ZSWIM8: variants seen among roughly 807,000 people sequenced by gnomAD.
ZSWIM8 encodes the protein zinc finger SWIM-type containing 8.
In ZSWIM8, 27 loss-of-function variants were observed where a neutral mutation model predicts 173.7. The ratio of observed to expected loss-of-function variants is 0.16; its 90% CI spans 0.11 to 0.21. The LOEUF (loss-of-function observed/expected upper bound fraction) is 0.21. Among genes scored for constraint, ZSWIM8 ranks in the 10% least tolerant of loss-of-function variants. ZSWIM8 has a pLI of 1.00. For synonymous variants in ZSWIM8, 958 were observed against 962.0 expected, an observed-to-expected ratio of 1.00 and a Z score of 0.08; for missense variants, 1,627 against 2,428.8, an observed-to-expected ratio of 0.67 and a Z score of 6.94.
rs1419843739 is a variant in ZSWIM8 at position 73,797,098 on chromosome 10, G to C, written c.3275-15G>C. The C allele has an allele frequency of 6.2e-7, 1 of 1,613,312 alleles. No individual in the cohort carries two copies. The highest frequency in any genetic ancestry group is 8.5e-7 in the Non-Finnish European group (1 of 1,179,636). On this transcript the variant is annotated splice_polypyrimidine_tract_variant and intron_variant, in intron 16 of 25. Transcript: ENST00000604729. This position sits in a 1 kb window ranked among gnomAD's most constrained non-coding sequence, Gnocchi z 5.6. ...TTTCCTGGGCTCATCCCAGCGTCCT[G>C]TTTTCCTCACCTAGAGAGTTCCCCA...
chr10:73,794,445 T>C (rs1565079130), intron 13 of ZSWIM8, 96 bp from the exon 14 acceptor site: 1 of 1,554,710 alleles, frequency 6.4e-7, no homozygotes, highest in Non-Finnish European at 8.8e-7. Context: ...GGCAGCTTCA[T>C]GGGTAGGTCT....
chr10:73,791,958 C>G lies in ZSWIM8; in HGVS notation c.1419C>G (p.Pro473=). Residue 473 remains proline (P), a synonymous_variant, in exon 10 of 26, where the codon CCC becomes CCG. Coordinates refer to ENST00000604729, the MANE Select transcript of ZSWIM8 (RefSeq NM_001367799.1). This position sits in a 1 kb window ranked among gnomAD's most constrained non-coding sequence, Gnocchi z 6.0. ...QHKKTLERLF[P]GFRPAVEACY... ...AGAAGACGCTGGAGCGGCTCTTCCC[C>G]GGCTTCCGGCCAGCGGTGGAGGCCT... The G allele has an allele frequency of 1.3e-6, 2 of 1,551,248 alleles. No homozygotes were observed. Among genetic ancestry groups the G allele is most frequent in the East Asian group, 4.9e-5 (2 of 40,912 alleles).
rs569098534 is a variant in ZSWIM8, at chr10:73,800,797, C to A, written c.5122+38C>A. 90 of 1,456,888 alleles carry A rather than the reference C, an allele frequency of 6.2e-5. No individual in the cohort carries two copies. Among genetic ancestry groups the A allele is most frequent in the South Asian group, 1.6e-4 (12 of 76,458 alleles). 90.2% of individuals were successfully genotyped at this position (1,456,888 alleles called of 1,614,324 possible). ...CTCCCTAGGACCATTGCCCCCCCCC[C>A]ACCTGCTCTCCCCACCTTCCTTATC... On this transcript the variant is annotated intron_variant, in intron 24 of 25. Transcript: ENST00000604729. This position sits in a 1 kb window ranked among gnomAD's most constrained non-coding sequence, Gnocchi z 4.1.
At chr10:73,794,398 G>C (rs905716841) in intron 13 of ZSWIM8, 68 bp downstream of exon 13, 4 of 1,578,440 alleles carry the variant, frequency 2.5e-6, no homozygotes, top group Non-Finnish European at 3.4e-6. Context: ...GAAAGACCAA[G>C]AGCCCCAAGT....
At chr10:73,795,408 T>TA in intron 14 of ZSWIM8, 131 bp from the exon 15 acceptor site, 1 of 1,391,416 alleles carries the variant, frequency 7.2e-7, no homozygotes, top group Non-Finnish European at 9.8e-7. Context: ...AAGACTTCTA[T>TA]AGGTGATGTG....
intron 11 of ZSWIM8, 60 bp downstream of exon 11, chr10:73,793,779 C>T: frequency 6.5e-7 from 1 of 1,546,562 alleles, no homozygotes; most frequent in Non-Finnish European, 8.7e-7. Flanking sequence ...TGCTCCCATG[C>T]CCCACCCCAA....
In ZSWIM8 at chr10:73,789,051, AG is replaced by A. The variant is rs2083320667; in HGVS notation, c.363-43del. On this transcript the variant is annotated intron_variant, in intron 2 of 25. Coordinates refer to ENST00000604729, the MANE Select transcript of ZSWIM8 (RefSeq NM_001367799.1). The surrounding 1 kb of genome is among the most constrained non-coding windows in gnomAD (Gnocchi z 6.8). ...TGTGGTCTCTGACAGGGTCTGCCAAAGGTTATTTGCTGAGTTGTGGCTGTGT... is the reference window on the plus strand; with the variant it reads ...TGTGGTCTCTGACAGGGTCTGCCAAAGTTATTTGCTGAGTTGTGGCTGTGT... The A allele has an allele frequency of 6.3e-7, 1 of 1,596,484 alleles. No homozygotes were observed. Among genetic ancestry groups the A allele is most frequent in the Admixed American group, 1.7e-5 (1 of 58,992 alleles).
rs371654311 is a variant in ZSWIM8 at position 73,798,995 on chromosome 10, C to T, written c.4177-7C>T. ...CCCCCTTAACACTCTGTGCCCCTCT[C>T]TTCCAGGACAACCTGATGTTGGAGA... On this transcript the variant is annotated splice_region_variant and splice_polypyrimidine_tract_variant and intron_variant, in intron 20 of 25. Transcript: ENST00000604729. 8.0e-5 allele frequency: 128 copies of T among 1,602,166 alleles called. No homozygotes were observed. Among genetic ancestry groups the T allele is most frequent in the Non-Finnish European group, 1.0e-4 (117 of 1,172,646 alleles).
At position 73,792,224 on chromosome 10, in the gene ZSWIM8, G is replaced by T. The variant is rs1487318179; in HGVS notation, c.1685G>T (p.Gly562Val). 1 of 1,554,698 alleles carries T rather than the reference G, an allele frequency of 6.4e-7. No individual in the cohort carries two copies. Among genetic ancestry groups the T allele is most frequent in the East Asian group, 2.3e-5 (1 of 44,372 alleles). ...LGEGVPSSQR[G>V]PRRLSAEGGD... ...GAGGGGGTCCCCTCATCACAGCGGG[G>T]TCCCCGCCGCCTCTCAGCTGAAGGG... Residue 562 changes from glycine (G) to valine (V), a missense_variant, in exon 10 of 26, where the codon GGT becomes GTT. Gly to Val is a moderately radical substitution (Grantham distance 109, BLOSUM62 -3). Around this residue, in one of 18 missense-constraint regions of ZSWIM8, gnomAD observed 383 missense variants for 394.8 expected, o/e 0.97. Coordinates refer to ENST00000604729, the MANE Select transcript of ZSWIM8 (RefSeq NM_001367799.1). This position sits in a 1 kb window ranked among gnomAD's most constrained non-coding sequence, Gnocchi z 4.3.
At position 73,801,244 on chromosome 10, in the gene ZSWIM8, T is replaced by G; in HGVS notation, c.5301+49T>G. The G allele has an allele frequency of 6.2e-7, 1 of 1,603,144 alleles. No homozygotes were observed. The highest frequency in any genetic ancestry group is 2.2e-5 in the East Asian group (1 of 44,572). On this transcript the variant is annotated intron_variant, in intron 25 of 25. Coordinates refer to ENST00000604729, the MANE Select transcript of ZSWIM8 (RefSeq NM_001367799.1). The surrounding 1 kb of genome is among the most constrained non-coding windows in gnomAD (Gnocchi z 4.9). ...AGGGTGGAGCACTTCCTGGGTGGTC[T>G]TGGACCAGAGGGAGGCAGGGCCTGT...
At position 73,797,735 on chromosome 10, in the gene ZSWIM8, T is replaced by C. The variant is rs886486879; in HGVS notation, c.3663-46T>C. 2 of 1,585,584 alleles carry C rather than the reference T, an allele frequency of 1.3e-6. No homozygotes were observed. Among genetic ancestry groups the C allele is most frequent in the Admixed American group, 1.8e-5 (1 of 56,764 alleles). ...CCTTCCCAACCTACCCGGATGCCCA[T>C]TTCAAAGAAACCCCAACCCCCGTCC... is the stretch of plus-strand genomic sequence containing the variant. On this transcript the variant is annotated intron_variant, in intron 18 of 25. Transcript: ENST00000604729. The surrounding 1 kb of genome is among the most constrained non-coding windows in gnomAD (Gnocchi z 5.6).
Position 73,789,271 on chromosome 10 carries a change from C to T in ZSWIM8, c.457+81C>T. 1 of 1,602,830 alleles carries T rather than the reference C, an allele frequency of 6.2e-7. No individual in the cohort carries two copies. Among genetic ancestry groups the T allele is most frequent in the South Asian group, 1.1e-5 (1 of 90,074 alleles). ...TGAAGTAAGAACACACCGCAAGAAG[C>T]TGGAGCATGTTGTCTGAATAACTGC... On this transcript the variant is annotated intron_variant, in intron 3 of 25. Transcript: ENST00000604729. This position sits in a 1 kb window ranked among gnomAD's most constrained non-coding sequence, Gnocchi z 6.8.
Position 73,794,288 on chromosome 10 carries a change from C to T in ZSWIM8, c.2767C>T (p.Leu923Phe). Residue 923 changes from leucine (L) to phenylalanine (F), a missense_variant, in exon 13 of 26, where the codon CTC becomes TTC. By Grantham distance (22) the Leu-to-Phe change is conservative. This residue lies in a region of ZSWIM8 where 169 missense variants were observed against 235.3 expected (regional missense o/e 0.72). Coordinates refer to ENST00000604729, the MANE Select transcript of ZSWIM8 (RefSeq NM_001367799.1). Reference sequence around the variant, plus strand: ...CTGTGACTATCGGCCTGTGTTGCCTCTCATGCTGGCCAGTTTCATCTTTGA... The same window carrying T: ...CTGTGACTATCGGCCTGTGTTGCCTTTCATGCTGGCCAGTTTCATCTTTGA... ...TLCDYRPVLP[L>F]MLASFIFDVL... is the part of the protein sequence containing the mutation. 1 of 1,614,000 alleles carries T rather than the reference C, an allele frequency of 6.2e-7. No homozygotes were observed.
In ZSWIM8 at chr10:73,796,981, C is replaced by T. The variant is rs377260438; in HGVS notation, c.3241C>T (p.Pro1081Ser). The change falls in exon 16 of 26, where the codon CCC becomes TCC. Residue 1081 changes from proline to serine, a missense_variant. Physicochemically the swap from Pro to Ser is moderately conservative, Grantham distance 74. Around this residue, in one of 18 missense-constraint regions of ZSWIM8, gnomAD observed 163 missense variants for 193.2 expected, o/e 0.84. Transcript: ENST00000604729. ...GAGTGTGGCAGGGGCTGGGCCAGGC[C>T]CCACTGAGGGCTTCACAGAGAAGAA... ...PGSVAGAGPG[P>S]TEGFTEKNVP... The T allele has an allele frequency of 1.1e-5, 18 of 1,612,458 alleles. No individual in the cohort carries two copies. Among genetic ancestry groups the T allele is most frequent in the African/African-American group, 6.7e-5 (5 of 74,810 alleles).
Position 73,801,460 on chromosome 10 carries a change from A to C in ZSWIM8, c.5446A>C (p.Lys1816Gln). 6.2e-7 allele frequency: 1 copy of C among 1,613,998 alleles called. No individual in the cohort carries two copies. The highest frequency in any genetic ancestry group is 8.5e-7 in the Non-Finnish European group (1 of 1,179,888). ...CATCCTACAGAACCTCAAGCGCAGCAAACAGACCAAGGAGCTGTGGCAGCG... is the reference window on the plus strand; with the variant it reads ...CATCCTACAGAACCTCAAGCGCAGCCAACAGACCAAGGAGCTGTGGCAGCG... ...NDILQNLKRS[K>Q]QTKELWQRVS... The change falls in exon 26 of 26, where the codon AAA becomes CAA. Residue 1816 changes from lysine to glutamine, a missense_variant. By Grantham distance (53) the Lys-to-Gln change is moderately conservative. Coordinates refer to ENST00000604729, the MANE Select transcript of ZSWIM8 (RefSeq NM_001367799.1). The surrounding 1 kb of genome is among the most constrained non-coding windows in gnomAD (Gnocchi z 4.9).
rs746905215 is a variant in ZSWIM8 at position 73,800,238 on chromosome 10, A to C, written c.4826-58A>C. 2.5e-6 allele frequency: 4 copies of C among 1,610,920 alleles called. No individual in the cohort carries two copies. The highest frequency in any genetic ancestry group is 3.4e-6 in the Non-Finnish European group (4 of 1,177,894). Reference sequence around the variant, plus strand: ...CACTGGGCAGGGGAGGTGGGGAGGGAATGTTCTTTGTCTCTCTTTGGGCTC... The same window carrying C: ...CACTGGGCAGGGGAGGTGGGGAGGGCATGTTCTTTGTCTCTCTTTGGGCTC... On this transcript the variant is annotated intron_variant, in intron 22 of 25. Coordinates refer to ENST00000604729, the MANE Select transcript of ZSWIM8 (RefSeq NM_001367799.1). This position sits in a 1 kb window ranked among gnomAD's most constrained non-coding sequence, Gnocchi z 4.1.
chr10:73,797,461 G>A lies in ZSWIM8; in HGVS notation c.3518G>A (p.Trp1173Ter). The change falls in exon 18 of 26, where the codon TGG becomes TAG. Residue 1173 changes from tryptophan to a stop codon, truncating the protein, a stop_gained. Coordinates refer to ENST00000604729, the MANE Select transcript of ZSWIM8 (RefSeq NM_001367799.1). LOFTEE classifies it high-confidence loss of function. The surrounding 1 kb of genome is among the most constrained non-coding windows in gnomAD (Gnocchi z 5.6). ...TLSRRPLRGG[W>*]APTSWGRGQD... ...AGCCGGAGACCACTTCGAGGGGGCT[G>A]GGCCCCCACCTCCTGGGGTCGAGGT... 6.2e-7 allele frequency: 1 copy of A among 1,613,990 alleles called. No homozygotes were observed. The highest frequency in any genetic ancestry group is 8.5e-7 in the Non-Finnish European group (1 of 1,179,882).
chr10:73,792,682 A>G lies in ZSWIM8; in HGVS notation c.2143A>G (p.Thr715Ala). Residue 715 changes from threonine to alanine, a missense_variant, in exon 10 of 26, where the codon ACC (threonine) becomes GCC (alanine). By Grantham distance (58) the Thr-to-Ala change is moderately conservative. Transcript: ENST00000604729. This position sits in a 1 kb window ranked among gnomAD's most constrained non-coding sequence, Gnocchi z 4.3. Reference protein sequence around the residue: ...TDESGNGLPKTKEAAPAVGEE... With the variant: ...TDESGNGLPKAKEAAPAVGEE... ...TGAGAGTGGCAATGGGCTTCCCAAAACCAAAGAGGCAGCCCCTGCAGTTGG... is the reference window on the plus strand; with the variant it reads ...TGAGAGTGGCAATGGGCTTCCCAAAGCCAAAGAGGCAGCCCCTGCAGTTGG... The G allele has an allele frequency of 3.7e-6, 6 of 1,613,882 alleles. No homozygotes were observed. Among genetic ancestry groups the G allele is most frequent in the South Asian group, 2.2e-5 (2 of 91,078 alleles).
chr10:73,796,843 T>C lies in ZSWIM8; in HGVS notation c.3103T>C (p.Ser1035Pro), dbSNP rs893535902. The change falls in exon 16 of 26, where the codon TCT (serine) becomes CCT (proline). Residue 1035 changes from serine to proline, a missense_variant. Around this residue, in one of 18 missense-constraint regions of ZSWIM8, gnomAD observed 163 missense variants for 193.2 expected, o/e 0.84. Transcript: ENST00000604729. ...KPQTLSSFYSSSRPTTASQRS... is the reference protein window; with the variant it reads ...KPQTLSSFYSPSRPTTASQRS... ...ACAGACGCTGAGTTCTTTCTACTCA[T>C]CTAGCCGCCCAACCACAGCCAGCCA... 6.2e-7 allele frequency: 1 copy of C among 1,614,056 alleles called. No homozygotes were observed. Among genetic ancestry groups the C allele is most frequent in the Non-Finnish European group, 8.5e-7 (1 of 1,179,904 alleles).
Sources: gnomAD v4.1 joint callset for allele counts on GRCh38, gnomAD v4.1.1 for gene constraint, gnomAD v4.1.1 regional missense constraint, Gnocchi (gnomAD v3.1) non-coding constraint, MANE v1.5 for transcripts, NCBI Gene and HGNC (gene_info 2026-07-23, HGNC 2026-07-21) for gene names.